The following CDC42BPG variants were observed in gnomAD, a reference collection of about 807,000 sequenced individuals.
The protein encoded by CDC42BPG is serine/threonine-protein kinase MRCK gamma.
Under a neutral mutation model 192.2 loss-of-function variants are expected in CDC42BPG, and 157 were observed. That is an observed-to-expected ratio of 0.82 (90% CI 0.72 to 0.93). The LOEUF is 0.93. CDC42BPG is among the 40% of genes least tolerant of loss of function. The pLI is 0.00. For missense variants in CDC42BPG, 1,992 were observed against 2,122.1 expected (o/e 0.94, Z 1.20); for synonymous variants, 981 against 918.5 (o/e 1.07, Z -1.23).
intron 23 of CDC42BPG, 53 bp downstream of exon 23, chr11:64,833,547 G>T (rs370413122): frequency 2.0e-4 from 301 of 1,520,172 alleles, no homozygotes; most frequent in Non-Finnish European, 2.6e-4. Flanking sequence ...TGCCCATTCA[G>T]CCTGGCAGAA....
Position 64,844,479 on chromosome 11 carries a change from C to T in CDC42BPG, c.91G>A (p.Ala31Thr). The T allele has an allele frequency of 6.9e-7, 1 of 1,444,758 alleles. No individual in the cohort carries two copies. The highest frequency in any genetic ancestry group is 1.5e-5 in the African/African-American group (1 of 67,822). The allele number at this position is 1,444,758 out of a possible 1,614,324, so 89.5% of individuals were successfully genotyped here. Reference sequence around the variant, plus strand: ...CCGCTGCTGAGCTCGTGGTGCAGCGCCAGCAGCAGATCTAGGAGGCCGTCG... The same window carrying T: ...CCGCTGCTGAGCTCGTGGTGCAGCGTCAGCAGCAGATCTAGGAGGCCGTCG... Reference protein sequence around the residue: ...GLDGLLDLLLALHHELSSGPL... With the variant: ...GLDGLLDLLLTLHHELSSGPL... Residue 31 changes from alanine to threonine, a missense_variant, in exon 1 of 37, where the codon GCG (alanine) becomes ACG (threonine). By Grantham distance (58) the Ala-to-Thr change is moderately conservative (BLOSUM62 0). This residue lies in a region of CDC42BPG where 1,656 missense variants were observed against 1,844.3 expected (regional missense o/e 0.90). Transcript: ENST00000342711.
chr11:64,842,584 G>GT (rs1202051857), intron 1 of CDC42BPG, among the ~76,000 whole-genome samples: 2 of 152,212 alleles, frequency 1.3e-5, no homozygotes, highest in Non-Finnish European at 2.9e-5. Flanking sequence ...CCCTGAAGGC[G>GT]TGAGTGCTCA....
At chr11:64,836,580 C>T (rs200738651) in intron 11 of CDC42BPG, 50 bp from the exon 12 acceptor site, 99 of 1,539,702 alleles carry the variant, frequency 6.4e-5, no homozygotes, top group Non-Finnish European at 7.7e-5. Flanking sequence ...CCCAGCCTCT[C>T]AGCCCAGGAG....
At position 64,834,848 on chromosome 11, in the gene CDC42BPG, C is replaced by T; in HGVS notation, c.2175+1G>A. The T allele has an allele frequency of 6.2e-7, 1 of 1,612,146 alleles. No homozygotes were observed. The highest frequency in any genetic ancestry group is 8.5e-7 in the Non-Finnish European group (1 of 1,179,324). On this transcript the variant is annotated splice_donor_variant, in intron 18 of 36. Transcript: ENST00000342711. LOFTEE classifies it high-confidence loss of function. ...CCCCCAGGGGCATCTCTGGGGCTCA[C>T]CAGTGGCCGGGCAGGGAGCGTCTGG... is the stretch of plus-strand genomic sequence containing the variant.
At position 64,835,861 on chromosome 11, in the gene CDC42BPG, G is replaced by T; in HGVS notation, c.1669-10C>A. ...ACACCTGGGCCTCCAGCTGTGAGGG[G>T]TGCAGAGGCAGGCCACTGCCAACTC... On this transcript the variant is annotated splice_polypyrimidine_tract_variant and intron_variant, in intron 13 of 36. Coordinates refer to ENST00000342711, the MANE Select transcript of CDC42BPG (RefSeq NM_017525.3). The T allele has an allele frequency of 5.0e-6, 8 of 1,606,068 alleles. No individual in the cohort carries two copies. Among genetic ancestry groups the T allele is most frequent in the Non-Finnish European group, 6.8e-6 (8 of 1,177,458 alleles).
intron 17 of CDC42BPG, 30 bp downstream of exon 17, chr11:64,835,017 T>TTGCCCCCCCC: frequency 2.1e-5 from 33 of 1,571,846 alleles, no homozygotes; most frequent in Non-Finnish European, 2.7e-5. Context: ...TCGCCTGCGT[T>TTGCCCCCCCC]CCCCACCCCG....
At position 64,834,438 on chromosome 11, in the gene CDC42BPG, T is replaced by G; in HGVS notation, c.2315A>C (p.Gln772Pro). The G allele has an allele frequency of 6.4e-7, 1 of 1,566,988 alleles. No individual in the cohort carries two copies. Among genetic ancestry groups the G allele is most frequent in the Non-Finnish European group, 8.6e-7 (1 of 1,157,090 alleles). Residue 772 changes from glutamine (Q) to proline (P), a missense_variant, in exon 19 of 37, where the codon CAG becomes CCG. Gln to Pro is a moderately conservative substitution (Grantham distance 76). Coordinates refer to ENST00000342711, the MANE Select transcript of CDC42BPG (RefSeq NM_017525.3). ...CTGCCCCTAGCCTCACCGCTCAGCCTGCAGCTGGGCCTCCTGCACCTGTGT... is the reference window on the plus strand; with the variant it reads ...CTGCCCCTAGCCTCACCGCTCAGCCGGCAGCTGGGCCTCCTGCACCTGTGT... Reference protein sequence around the residue: ...RLTQVQEAQLQAERRLQEAEK... With the variant: ...RLTQVQEAQLPAERRLQEAEK...
At position 64,838,709 on chromosome 11, in the gene CDC42BPG, C is replaced by T. The variant is rs1246316128; in HGVS notation, c.1070G>A (p.Arg357Gln). 40 of 1,613,136 alleles carry T rather than the reference C, an allele frequency of 2.5e-5. No individual in the cohort carries two copies. The highest frequency in any genetic ancestry group is 3.3e-5 in the Non-Finnish European group (39 of 1,180,016). The part of the protein sequence containing the change: ...SSTAPYIPEL[R>Q]GPMDTSNFDV... ...AAAGTTGGAGGTGTCCATGGGCCCC[C>T]GCAGCTCAGGAATATAGGGGGCCGT... is the stretch of plus-strand genomic sequence containing the variant. The change falls in exon 8 of 37, where the codon CGG becomes CAG. Residue 357 changes from arginine to glutamine, a missense_variant. Around this residue, in one of 2 missense-constraint regions of CDC42BPG, gnomAD observed 1,656 missense variants for 1,844.3 expected, o/e 0.90. Transcript: ENST00000342711.
intron 30 of CDC42BPG, among the ~76,000 whole-genome samples, chr11:64,828,070 C>T (rs1197459430): frequency 1.3e-5 from 2 of 152,174 alleles, no homozygotes; most frequent in South Asian, 2.1e-4. Flanking sequence ...GGGAATGGAA[C>T]CCCTGGAGCC....
chr11:64,827,009 G>T, intron 34 of CDC42BPG, 41 bp downstream of exon 34: 2 of 1,420,860 alleles, frequency 1.4e-6, no homozygotes, highest in Non-Finnish European at 2.0e-6. Flanking sequence ...TATTGGCTCA[G>T]CCTCACCAAA....
At chr11:64,832,065 C>T (rs908532776) in intron 27 of CDC42BPG, among the ~76,000 whole-genome samples, 7 of 152,186 alleles carry the variant, frequency 4.6e-5, no homozygotes, top group East Asian at 1.9e-4. Flanking sequence ...CCGGCAATTT[C>T]GTGCAAAGAC....
rs2136230966 is a variant in CDC42BPG at position 64,824,115 on chromosome 11, A to C, written c.*358T>G. 2.9e-6 allele frequency: 1 copy of C among 343,240 alleles called. No homozygotes were observed. Among genetic ancestry groups the C allele is most frequent in the South Asian group, 2.6e-5 (1 of 38,078 alleles). The allele number at this position is 343,240 out of a possible 1,614,324, so 21.3% of individuals were successfully genotyped here. ...CAGATAAGACCTCCAACCTGTTCCC[A>C]GAGACCCAGTCCCTCTCCATCCCTC... is the stretch of plus-strand genomic sequence containing the variant. On this transcript the variant is annotated 3_prime_UTR_variant, in exon 37 of 37. Coordinates refer to ENST00000342711, the MANE Select transcript of CDC42BPG (RefSeq NM_017525.3).
intron 18 of CDC42BPG, 82 bp from the exon 19 acceptor site, chr11:64,834,659 A>C: frequency 6.9e-7 from 1 of 1,445,726 alleles, no homozygotes; most frequent in Non-Finnish European, 9.2e-7. Context: ...GCATCCTGCT[A>C]CCCATGCCAC....
intron 5 of CDC42BPG, 52 bp downstream of exon 5, chr11:64,840,068 G>A (rs1354266519): frequency 1.3e-6 from 2 of 1,554,626 alleles, no homozygotes; most frequent in Non-Finnish European, 1.8e-6. Context: ...ACAGCTGGCA[G>A]GGGTTGGGCA....
intron 6 of CDC42BPG, 89 bp from the exon 7 acceptor site, chr11:64,839,322 T>C: frequency 6.4e-7 from 1 of 1,560,790 alleles, no homozygotes; most frequent in Non-Finnish European, 8.8e-7. Context: ...ACCCCTACTC[T>C]GCCAGGCTGG....
At chr11:64,830,443 G>A (rs1227946419) in intron 28 of CDC42BPG, 187 bp from the exon 29 acceptor site, 4 of 633,998 alleles carry the variant, frequency 6.3e-6, no homozygotes, top group Non-Finnish European at 1.1e-5. Flanking sequence ...GTTGGGGTGA[G>A]GCCCATCATC....
chr11:64,842,923 A>G (rs1368664526), intron 1 of CDC42BPG, among the ~76,000 whole-genome samples: 6 of 152,154 alleles, frequency 3.9e-5, no homozygotes, highest in African/African-American at 1.2e-4. Flanking sequence ...CAGGTTTATC[A>G]GGCAGAAGCC....
In CDC42BPG at chr11:64,829,485, G is replaced by A. The variant is rs546439412; in HGVS notation, c.3953C>T (p.Ala1318Val). 41 of 1,612,704 alleles carry A rather than the reference G, an allele frequency of 2.5e-5. No individual in the cohort carries two copies. Among genetic ancestry groups the A allele is most frequent in the African/African-American group, 1.2e-4 (9 of 75,042 alleles). The change falls in exon 30 of 37, where the codon GCG (alanine) becomes GTG (valine). Residue 1318 changes from alanine to valine, a missense_variant. Ala to Val is a moderately conservative substitution (Grantham distance 64). Around this residue, in one of 2 missense-constraint regions of CDC42BPG, gnomAD observed 1,656 missense variants for 1,844.3 expected, o/e 0.90. Transcript: ENST00000342711. ...SRGHELLWPAAPMGWGYAAPY... is the reference protein window; with the variant it reads ...SRGHELLWPAVPMGWGYAAPY... Reference sequence around the variant, plus strand: ...GCAGGCCTTACCCCAGCCCATGGGCGCTGCTGGCCACAACAGCTCGTGGCC... The same window carrying A: ...GCAGGCCTTACCCCAGCCCATGGGCACTGCTGGCCACAACAGCTCGTGGCC...
chr11:64,836,869 G>C (rs762436480), intron 10 of CDC42BPG, 50 bp from the exon 11 acceptor site: 1 of 1,609,720 alleles, frequency 6.2e-7, no homozygotes, highest in South Asian at 1.1e-5. Flanking sequence ...CATTCCCGCA[G>C]CAGCAGCCCC....
Sources: allele counts gnomAD v4.1 joint callset (sites outside exome capture counted in the v4.1 genomes callset), GRCh38; gene constraint gnomAD v4.1.1; regional missense constraint gnomAD v4.1.1; transcripts MANE v1.5; gene names NCBI Gene and HGNC (gene_info 2026-07-23, HGNC 2026-07-21).